The following NTN1 variants were observed in gnomAD, a reference collection of about 807,000 sequenced individuals.
The protein encoded by NTN1 is netrin-1.
In NTN1, 11 loss-of-function variants were observed where a neutral mutation model predicts 54.2. The ratio of observed to expected loss-of-function variants is 0.20; its 90% CI spans 0.13 to 0.34. The LOEUF is 0.34. Among genes scored for constraint, NTN1 ranks in the 10% least tolerant of loss-of-function variants. The pLI is 1.00. For synonymous variants in NTN1, 371 were observed against 382.0 expected (o/e 0.97, Z 0.33); for missense variants, 740 against 893.1 (o/e 0.83, Z 2.18).
chr17:9,066,631 GA>G (rs555848633), intron 2 of NTN1, among the ~76,000 whole-genome samples: 23 of 146,634 alleles, frequency 1.6e-4, no homozygotes, highest in Non-Finnish European at 2.4e-4. Context: ...CCGTCTCAAA[GA>G]AAAAAAAATT....
chr17:9,093,764 A>G (rs1364109046), intron 2 of NTN1, among the ~76,000 whole-genome samples: 2 of 152,194 alleles, frequency 1.3e-5, no homozygotes, highest in South Asian at 2.1e-4. Context: ...ACTTGAGGTC[A>G]GGAGTTTGAC....
At chr17:9,214,611 A>G (rs1333812905) in intron 5 of NTN1, among the ~76,000 whole-genome samples, 3 of 152,220 alleles carry the variant, frequency 2.0e-5, no homozygotes, top group Admixed American at 2.0e-4. Context: ...TCACGAGGTT[A>G]GGAGATCGAG....
intron 5 of NTN1, among the ~76,000 whole-genome samples, chr17:9,194,259 G>A (rs1047439475): frequency 2.6e-4 from 39 of 152,092 alleles, no homozygotes; most frequent in African/African-American, 8.5e-4. Context: ...ATGCAATGTT[G>A]TGATATATGA....
intron 6 of NTN1, among the ~76,000 whole-genome samples, chr17:9,236,129 G>T (rs111588656): frequency 2.7e-5 from 4 of 149,092 alleles, no homozygotes; most frequent in African/African-American, 7.4e-5. Flanking sequence ...GAATTTGGGG[G>T]GGGGGGTACT....
rs1357758197 is a variant in NTN1, at chr17:9,212,653, C to T, written c.1412-8515C>T. Among the ~76,000 whole-genome samples, 1 of 152,222 alleles carries T rather than the reference C, an allele frequency of 6.6e-6. No individual in the cohort carries two copies. Among genetic ancestry groups the T allele is most frequent in the Admixed American group, 6.5e-5 (1 of 15,288 alleles). On this transcript the variant is annotated intron_variant, in intron 5 of 6. Coordinates refer to ENST00000173229, the MANE Select transcript of NTN1 (RefSeq NM_004822.3). The surrounding 1 kb of genome is among the most constrained non-coding windows in gnomAD (Gnocchi z 5.5). ...AGGGGCTCCTCCCCTACGCCCAGCC[C>T]TTGGCGTCTGCAACTTACCCAACCC... is the stretch of plus-strand genomic sequence containing the variant.
At chr17:9,040,302 CT>C (rs1293639823) in intron 2 of NTN1, among the ~76,000 whole-genome samples, 5 of 152,046 alleles carry the variant, frequency 3.3e-5, no homozygotes, top group Non-Finnish European at 5.9e-5. Context: ...TCATAAATTT[CT>C]TTATATTAGC....
chr17:9,126,082 G>A (rs571817519), intron 2 of NTN1, among the ~76,000 whole-genome samples: 1 of 152,256 alleles, frequency 6.6e-6, no homozygotes, highest in Non-Finnish European at 1.5e-5. Context: ...AATGAACGAC[G>A]CATGGGGTGG....
At position 9,239,832 on chromosome 17, in the gene NTN1, A is replaced by G. The variant is rs1162045663; in HGVS notation, c.1679A>G (p.Asn560Ser). The G allele has an allele frequency of 1.2e-6, 2 of 1,613,376 alleles. No homozygotes were observed. The highest frequency in any genetic ancestry group is 1.7e-6 in the Non-Finnish European group (2 of 1,179,970). The change falls in exon 7 of 7, where the codon AAC becomes AGC. Residue 560 changes from asparagine to serine, a missense_variant. Physicochemically the swap from Asn to Ser is conservative, Grantham distance 46 (BLOSUM62 1). Transcript: ENST00000173229. This position sits in a 1 kb window ranked among gnomAD's most constrained non-coding sequence, Gnocchi z 5.2. ...KPLKKYLLLGNAEDSPDQSGI... is the reference protein window; with the variant it reads ...KPLKKYLLLGSAEDSPDQSGI... ...CTCAAGAAGTACCTGCTGCTGGGCAACGCGGAGGACTCTCCGGACCAGAGC... is the reference window on the plus strand; with the variant it reads ...CTCAAGAAGTACCTGCTGCTGGGCAGCGCGGAGGACTCTCCGGACCAGAGC...
At chr17:9,170,101 G>A (rs575269966) in intron 3 of NTN1, among the ~76,000 whole-genome samples, 3 of 152,290 alleles carry the variant, frequency 2.0e-5, no homozygotes, top group African/African-American at 7.2e-5. Flanking sequence ...GGGATGCAGA[G>A]CTTTGAAAAG....
chr17:9,121,200 T>C (rs1185103559), intron 2 of NTN1, among the ~76,000 whole-genome samples: 1 of 152,146 alleles, frequency 6.6e-6, no homozygotes, highest in African/African-American at 2.4e-5. Context: ...GAAACTCCCA[T>C]TTCCTCCCAA....
intron 2 of NTN1, among the ~76,000 whole-genome samples, chr17:9,133,656 C>T (rs1265010012): frequency 9.5e-5 from 14 of 147,932 alleles, no homozygotes; most frequent in East Asian, 2.0e-4. Flanking sequence ...GGCACAATCT[C>T]GGCTCACTGC....
At chr17:9,234,861 T>C (rs1905927959) in intron 6 of NTN1, among the ~76,000 whole-genome samples, 1 of 152,144 alleles carries the variant, frequency 6.6e-6, no homozygotes, top group African/African-American at 2.4e-5. Context: ...CTTCCTTGTG[T>C]CCACTTCAGA....
chr17:9,176,397 CTG>C (rs2092400271), intron 3 of NTN1: 1 of 152,256 alleles, frequency 6.6e-6, no homozygotes, highest in Non-Finnish European at 1.5e-5. Flanking sequence ...GTGTCTGTGT[CTG>C]TGTATATTTC....
chr17:9,236,868 A>G (rs1906008567), intron 6 of NTN1, among the ~76,000 whole-genome samples: 1 of 152,142 alleles, frequency 6.6e-6, no homozygotes, highest in Non-Finnish European at 1.5e-5. Flanking sequence ...CAGGGCATTC[A>G]CTGATGGGGG....
intron 2 of NTN1, among the ~76,000 whole-genome samples, chr17:9,048,911 C>T (rs531671270): frequency 9.2e-5 from 14 of 152,352 alleles, no homozygotes; most frequent in African/African-American, 3.4e-4. Flanking sequence ...CTGCCTTGGC[C>T]TCCCAAAGTG....
intron 2 of NTN1, among the ~76,000 whole-genome samples, chr17:9,052,761 A>G (rs2091965260): frequency 6.6e-6 from 1 of 152,190 alleles, no homozygotes; most frequent in Admixed American, 6.5e-5. Context: ...ACAAATAAAC[A>G]TAAATCCATC....
chr17:9,043,788 C>T (rs558818164), intron 2 of NTN1, among the ~76,000 whole-genome samples: 125 of 152,166 alleles, frequency 8.2e-4, no homozygotes, highest in African/African-American at 2.8e-3. Context: ...CCATGTTGGT[C>T]AGGCTGGTCT....
At chr17:9,047,576 T>C (rs955105271) in intron 2 of NTN1, among the ~76,000 whole-genome samples, 5 of 152,220 alleles carry the variant, frequency 3.3e-5, no homozygotes, top group Admixed American at 1.3e-4. Context: ...TTTTACCACA[T>C]CTGTAATTAT....
chr17:9,052,653 C>T (rs2091964930), intron 2 of NTN1, among the ~76,000 whole-genome samples: 1 of 152,208 alleles, frequency 6.6e-6, no homozygotes, highest in South Asian at 2.1e-4. Flanking sequence ...TGGTGCATAT[C>T]AGTAGTCCCA....
Sources: gnomAD v4.1 joint callset for allele counts (sites outside exome capture counted in the v4.1 genomes callset) on GRCh38, gnomAD v4.1.1 for gene constraint, Gnocchi (gnomAD v3.1) non-coding constraint, MANE v1.5 for transcripts, NCBI Gene and HGNC (gene_info 2026-07-23, HGNC 2026-07-21) for gene names.